ORC3: variants seen among roughly 807,000 people sequenced by gnomAD.
ORC3 encodes origin recognition complex subunit 3.
Under a neutral mutation model 100.7 loss-of-function variants are expected in ORC3, and 78 were observed. That is an observed-to-expected ratio of 0.77 (90% confidence interval 0.65 to 0.94). ORC3 has a LOEUF of 0.94. Among genes scored for constraint, ORC3 ranks in the 40% least tolerant of loss-of-function variants. The pLI, the probability that ORC3 is intolerant of heterozygous loss-of-function variation, is 0.00. For missense variants in ORC3, 789 were observed against 823.9 expected (o/e 0.96, Z 0.52); for synonymous variants, 295 against 289.3 (o/e 1.02, Z -0.20).
At chr6:87,664,596 CT>C in intron 17 of ORC3, 146 bp from the exon 18 acceptor site, 1 of 630,328 alleles carries the variant, frequency 1.6e-6, no homozygotes, top group Non-Finnish European at 2.8e-6. Flanking sequence ...AACTAGCTAA[CT>C]ATTGAATAGA....
At chr6:87,674,968 C>T in the ORC3 span, 4 of 139,888 alleles carry the variant, frequency 2.9e-5, no homozygotes, top group Non-Finnish European at 6.1e-5. Flanking sequence ...TCCAGTACTA[C>T]AAGGGCAGTA....
At chr6:87,656,313 C>A (rs567849331) in intron 14 of ORC3, among the ~76,000 whole-genome samples, 2 of 152,192 alleles carry the variant, frequency 1.3e-5, no homozygotes, top group East Asian at 3.8e-4. Context: ...ACTGGCTGGG[C>A]ATGGTGGCTC....
At position 87,619,448 on chromosome 6, in the gene ORC3, C is replaced by T. The variant is rs113440899; in HGVS notation, c.988-1906C>T. 6.2e-3 allele frequency among the ~76,000 whole-genome samples: 942 copies of T among 152,184 alleles called. 10 individuals carry two copies. The highest frequency in any genetic ancestry group is 0.021 in the African/African-American group (858 of 41,522). On this transcript the variant is annotated intron_variant, in intron 9 of 19. Coordinates refer to ENST00000392844, the MANE Select transcript of ORC3 (RefSeq NM_012381.4). ...TTGAGATAGGGTTTCGCTCTGTCGCCCAGGCTGGAGTGCAGTGGCATAATC... is the reference window on the plus strand; with the variant it reads ...TTGAGATAGGGTTTCGCTCTGTCGCTCAGGCTGGAGTGCAGTGGCATAATC...
chr6:87,677,641 C>G, the ORC3 span, among the ~76,000 whole-genome samples: 95,682 of 152,052 alleles, frequency 0.63, 31,464 homozygotes, highest in African/African-American at 0.83. Context: ...CTCTTTTCCT[C>G]AGGTTACCAA....
chr6:87,590,738 G>A (rs1206227192), intron 1 of ORC3, among the ~76,000 whole-genome samples: 1 of 152,170 alleles, frequency 6.6e-6, no homozygotes. Flanking sequence ...TTAGGTTAAG[G>A]ATTAGGGCGA....
rs929742926 is a variant in ORC3 at position 87,656,903 on chromosome 6, C to T, written c.1517-3C>T. 1 of 1,607,134 alleles carries T rather than the reference C, an allele frequency of 6.2e-7. No individual in the cohort carries two copies. The highest frequency in any genetic ancestry group is 1.3e-5 in the African/African-American group (1 of 74,716). On this transcript the variant is annotated splice_polypyrimidine_tract_variant and splice_region_variant and intron_variant, in intron 14 of 19. Transcript: ENST00000392844. ...ATGTCTACTGGTTTTGTATTAAAAG[C>T]AGAAACCAAAGAGGAAGAAGATGCT...
chr6:87,646,101 C>T (rs1187242735), intron 13 of ORC3, among the ~76,000 whole-genome samples: 1 of 151,382 alleles, frequency 6.6e-6, no homozygotes, highest in Non-Finnish European at 1.5e-5. Context: ...ATTCTCCTGC[C>T]TTAGCCTCCT....
At chr6:87,672,718 C>A in the ORC3 span, among the ~76,000 whole-genome samples, 1 of 152,184 alleles carries the variant, frequency 6.6e-6, no homozygotes, top group East Asian at 1.9e-4. Flanking sequence ...ATAGGTAGAG[C>A]CTGAGAACCT....
chr6:87,591,569 G>A (rs1776965916), intron 1 of ORC3, among the ~76,000 whole-genome samples: 1 of 152,126 alleles, frequency 6.6e-6, no homozygotes, highest in African/African-American at 2.4e-5. Flanking sequence ...CCTGTTGATT[G>A]CATAAGCACC....
intron 13 of ORC3, among the ~76,000 whole-genome samples, chr6:87,639,825 C>CAA (rs548788316): frequency 0.13 from 7,542 of 58,820 alleles, 310 homozygotes; most frequent in East Asian, 0.17. Flanking sequence ...GCCAAAAATA[C>CAA]AAAAAAAAAA....
At position 87,653,146 on chromosome 6, in the gene ORC3, A is replaced by C; in HGVS notation, c.1413A>C (p.Ile471=). 1.2e-6 allele frequency: 2 copies of C among 1,613,426 alleles called. No homozygotes were observed. The highest frequency in any genetic ancestry group is 1.7e-6 in the Non-Finnish European group (2 of 1,179,394). ...TGGCAAAGGATGAACTGATGACCATACTTGAGAAATGTTTCAAGGTTTTTA... is the reference window on the plus strand; with the variant it reads ...TGGCAAAGGATGAACTGATGACCATCCTTGAGAAATGTTTCAAGGTTTTTA... ...RMLAKDELMT[I]LEKCFKVFKS... The change falls in exon 14 of 20, where the codon ATA becomes ATC. Residue 471 remains isoleucine, a synonymous_variant. Transcript: ENST00000392844.
At chr6:87,636,855 T>C (rs1238028971) in intron 13 of ORC3, among the ~76,000 whole-genome samples, 2 of 152,176 alleles carry the variant, frequency 1.3e-5, no homozygotes, top group African/African-American at 4.8e-5. Context: ...CCCAACCTGG[T>C]TGAATGCAGG....
intron 16 of ORC3, among the ~76,000 whole-genome samples, chr6:87,661,357 G>T (rs1012362781): frequency 6.6e-6 from 1 of 152,038 alleles, no homozygotes; most frequent in African/African-American, 2.4e-5. Flanking sequence ...TCTTAGTGAG[G>T]ATCAAGTCAA....
At chr6:87,635,364 C>T (rs570686055) in intron 12 of ORC3, among the ~76,000 whole-genome samples, 6 of 152,326 alleles carry the variant, frequency 3.9e-5, no homozygotes, top group African/African-American at 1.4e-4. Flanking sequence ...ACTTCTGCTG[C>T]TTGAAAAATT....
chr6:87,637,687 CT>C (rs1276125655), intron 13 of ORC3, among the ~76,000 whole-genome samples: 3 of 152,184 alleles, frequency 2.0e-5, no homozygotes, highest in Non-Finnish European at 2.9e-5. Context: ...TTCATAGATT[CT>C]TTTGTCAAAG....
chr6:87,651,039 A>G (rs1472242103), intron 13 of ORC3: 1 of 384,906 alleles, frequency 2.6e-6, no homozygotes, highest in Non-Finnish European at 5.2e-6. Context: ...TAAGAGGACT[A>G]ATAACTATTT....
At chr6:87,644,537 C>T (rs1340417801) in intron 13 of ORC3, among the ~76,000 whole-genome samples, 2 of 151,764 alleles carry the variant, frequency 1.3e-5, no homozygotes, top group Non-Finnish European at 2.9e-5. Flanking sequence ...CCTGTCTGTA[C>T]TAAAAATACA....
intron 13 of ORC3, among the ~76,000 whole-genome samples, chr6:87,648,474 G>A (rs1768979190): frequency 6.6e-6 from 1 of 151,960 alleles, no homozygotes; most frequent in African/African-American, 2.4e-5. Context: ...TTTGGTTTGT[G>A]CCTAATATTC....
intron 2 of ORC3, among the ~76,000 whole-genome samples, chr6:87,597,868 T>C (rs1270041217): frequency 6.6e-6 from 1 of 152,132 alleles, no homozygotes; most frequent in Non-Finnish European, 1.5e-5. Flanking sequence ...ATTTCTTTAA[T>C]GTTGCAGATT....
Sources: allele counts gnomAD v4.1 joint callset (sites outside exome capture counted in the v4.1 genomes callset), GRCh38; gene constraint gnomAD v4.1.1; transcripts MANE v1.5; gene names NCBI Gene and HGNC (gene_info 2026-07-23, HGNC 2026-07-21).